Variants in UGGT2 observed in about 807,000 individuals in gnomAD.
The protein encoded by UGGT2 is UDP-glucose glycoprotein glucosyltransferase 2.
In UGGT2, 180 loss-of-function variants were observed where a neutral mutation model predicts 192.1. The ratio of observed to expected loss-of-function variants is 0.94; its 90% CI spans 0.83 to 1.06. The LOEUF is 1.06. Ranked by LOEUF, UGGT2 falls within the 50% of genes least tolerant of loss-of-function variation. The probability of loss-of-function intolerance (pLI) is 0.00; values close to 1 mark genes in which losing one functional copy is unlikely to be tolerated. For missense variants in UGGT2, 1,849 were observed against 1,795.7 expected, an observed-to-expected ratio of 1.03 and a Z score of -0.54; for synonymous variants, 580 against 591.0, an observed-to-expected ratio of 0.98 and a Z score of 0.27.
intron 9 of UGGT2, among the ~76,000 whole-genome samples, chr13:95,986,054 T>C (rs184273516): frequency 4.9e-4 from 74 of 152,232 alleles, no homozygotes; most frequent in Non-Finnish European, 6.9e-4. Context: ...AGTTTTTCCT[T>C]AGATTACTAT....
At chr13:96,031,999 A>C (rs774623968) in intron 1 of UGGT2, 28 bp from the exon 2 acceptor site, 1 of 1,532,020 alleles carries the variant, frequency 6.5e-7, no homozygotes, top group South Asian at 1.1e-5. Flanking sequence ...GTAATCGGTT[A>C]GTAGATGGAA....
chr13:95,995,039 T>C (rs1435583584), intron 7 of UGGT2, among the ~76,000 whole-genome samples: 1 of 152,076 alleles, frequency 6.6e-6, no homozygotes, highest in Non-Finnish European at 1.5e-5. Context: ...AATCCCACTC[T>C]CAATGTAAAC....
chr13:95,888,557 A>G (rs1184164530), intron 25 of UGGT2, among the ~76,000 whole-genome samples: 1 of 152,172 alleles, frequency 6.6e-6, no homozygotes, highest in African/African-American at 2.4e-5. Context: ...TATATGTAAT[A>G]GAAAGGATAC....
Position 96,009,297 on chromosome 13 carries a change from C to T in UGGT2, c.660+4010G>A, listed in dbSNP as rs187996712. 5.6e-4 allele frequency among the ~76,000 whole-genome samples: 85 copies of T among 152,176 alleles called. 1 individual carries two copies. Among genetic ancestry groups the T allele is most frequent in the South Asian group, 1.5e-3 (7 of 4,810 alleles). On this transcript the variant is annotated intron_variant, in intron 5 of 38. Transcript: ENST00000376747. ...ATGGGCCCTGGCAAAGATTTCATGACGAAGACACCAAAAGCAATTGCAACA... is the reference window on the plus strand; with the variant it reads ...ATGGGCCCTGGCAAAGATTTCATGATGAAGACACCAAAAGCAATTGCAACA...
intron 38 of UGGT2, among the ~76,000 whole-genome samples, chr13:95,804,478 A>T (rs1884209961): frequency 6.6e-6 from 1 of 152,226 alleles, no homozygotes; most frequent in Non-Finnish European, 1.5e-5. Context: ...ATTCATACAG[A>T]ATCACAAGGG....
At chr13:95,923,168 C>T (rs2048902127) in intron 20 of UGGT2, among the ~76,000 whole-genome samples, 1 of 152,090 alleles carries the variant, frequency 6.6e-6, no homozygotes, top group Admixed American at 6.6e-5. Context: ...CCTCCCACCT[C>T]AGCCTCTCAA....
intron 20 of UGGT2, among the ~76,000 whole-genome samples, chr13:95,908,564 C>A (rs1432017859): frequency 6.6e-6 from 1 of 152,052 alleles, no homozygotes. Flanking sequence ...GTCCCACCAA[C>A]AGTGTAAAAG....
chr13:95,980,466 G>T (rs1254968646), intron 10 of UGGT2, among the ~76,000 whole-genome samples: 1 of 151,972 alleles, frequency 6.6e-6, no homozygotes, highest in Non-Finnish European at 1.5e-5. Flanking sequence ...AGGGCGGGGG[G>T]TGGCAAGAGA....
At chr13:96,037,443 C>T (rs1421005742) in intron 1 of UGGT2, among the ~76,000 whole-genome samples, 4 of 152,188 alleles carry the variant, frequency 2.6e-5, no homozygotes, top group Non-Finnish European at 4.4e-5. Context: ...ATGATCTGCC[C>T]GCCTCGGCCT....
chr13:95,969,684 G>A (rs142562611), intron 12 of UGGT2, among the ~76,000 whole-genome samples: 18 of 152,176 alleles, frequency 1.2e-4, no homozygotes, highest in Non-Finnish European at 1.8e-4. Context: ...AGGGTGATAT[G>A]ATCAAATGTT....
chr13:95,829,583 GAATA>G (rs1171616479), intron 38 of UGGT2, among the ~76,000 whole-genome samples: 1 of 152,082 alleles, frequency 6.6e-6, no homozygotes, highest in African/African-American at 2.4e-5. Flanking sequence ...GCTACAAAGA[GAATA>G]AAGTACCTAG....
intron 1 of UGGT2, among the ~76,000 whole-genome samples, chr13:96,033,819 G>A (rs1325964124): frequency 1.3e-5 from 2 of 152,224 alleles, no homozygotes; most frequent in African/African-American, 4.8e-5. Context: ...AAGAGGGCCT[G>A]GGAGCAGCTT....
intron 4 of UGGT2, among the ~76,000 whole-genome samples, chr13:96,014,145 C>T (rs1043034701): frequency 6.6e-6 from 1 of 152,138 alleles, no homozygotes; most frequent in African/African-American, 2.4e-5. Context: ...AATTTCAACT[C>T]ATGTTTATGG....
rs201479907 is a variant in UGGT2, at chr13:95,929,063, G to A, written c.1978-1727C>T. Among the ~76,000 whole-genome samples, 31 of 152,206 alleles carry A rather than the reference G, an allele frequency of 2.0e-4. No homozygotes were observed. The East Asian group carries it at 3.7e-3, about 18-fold the overall frequency. Reference sequence around the variant, plus strand: ...ACGAAAACCAGTCAGGCGTGGCGGCGCGCGCCTGCAATCCCAGGCACTAGG... The same window carrying A: ...ACGAAAACCAGTCAGGCGTGGCGGCACGCGCCTGCAATCCCAGGCACTAGG... On this transcript the variant is annotated intron_variant, in intron 17 of 38. Transcript: ENST00000376747.
chr13:95,948,138 C>G, intron 13 of UGGT2, 57 bp from the exon 14 acceptor site: 1 of 1,341,814 alleles, frequency 7.5e-7, no homozygotes, highest in East Asian at 2.6e-5. Flanking sequence ...TCATGAAATT[C>G]AAGTTTAGAC....
chr13:95,849,405 TG>T (rs1424464598), intron 36 of UGGT2, among the ~76,000 whole-genome samples: 2 of 151,914 alleles, frequency 1.3e-5, no homozygotes, highest in East Asian at 3.9e-4. Context: ...TAGCTGGGCG[TG>T]GTGGCAAGCG....
intron 30 of UGGT2, 35 bp from the exon 31 acceptor site, chr13:95,863,749 T>C (rs767843599): frequency 1.3e-6 from 2 of 1,531,480 alleles, no homozygotes; most frequent in South Asian, 2.2e-5. Flanking sequence ...AGAATTTGGC[T>C]GCTTTAAATA....
intron 38 of UGGT2, among the ~76,000 whole-genome samples, chr13:95,829,942 A>T (rs1275847679): frequency 6.6e-6 from 1 of 152,220 alleles, no homozygotes; most frequent in African/African-American, 2.4e-5. Context: ...GTATAGACCA[A>T]TGGAACAGAA....
intron 38 of UGGT2, among the ~76,000 whole-genome samples, chr13:95,831,412 T>C (rs1886672444): frequency 6.6e-6 from 1 of 152,176 alleles, no homozygotes; most frequent in Non-Finnish European, 1.5e-5. Context: ...CTCTATAACC[T>C]ATTTTTTAAC....
Sources: allele counts gnomAD v4.1 joint callset (sites outside exome capture counted in the v4.1 genomes callset), GRCh38; gene constraint gnomAD v4.1.1; transcripts MANE v1.5; gene names NCBI Gene and HGNC (gene_info 2026-07-23, HGNC 2026-07-21).